TRIM51: variants seen among roughly 807,000 people sequenced by gnomAD.
The protein encoded by TRIM51 is tripartite motif-containing protein 51.
TRIM51 carries 23 observed loss-of-function variants against 32.7 expected under a neutral mutation model. The observed-to-expected ratio is 0.70, with a 90% confidence interval of 0.51 to 1.00. The LOEUF (loss-of-function observed/expected upper bound fraction) is 1.00, where lower values mean the gene tolerates loss of function less well. TRIM51 is among the 50% of genes least tolerant of loss of function. The probability of loss-of-function intolerance (pLI) is 0.00; values close to 1 mark genes in which losing one functional copy is unlikely to be tolerated. For missense variants in TRIM51, 592 were observed against 539.2 expected, an observed-to-expected ratio of 1.10 and a Z score of -0.97; for synonymous variants, 177 against 181.9, an observed-to-expected ratio of 0.97 and a Z score of 0.22.
intron 3 of TRIM51, among the ~76,000 whole-genome samples, chr11:55,887,301 G>GTA (rs35687091): frequency 0.11 from 15,917 of 141,544 alleles, 850 homozygotes; most frequent in African/African-American, 0.14. Context: ...CTGGATGTTG[G>GTA]TATATATATA....
At position 55,885,565 on chromosome 11, in the gene TRIM51, C is replaced by G; in HGVS notation, c.137C>G (p.Thr46Arg). 6.2e-7 allele frequency: 1 copy of G among 1,611,962 alleles called. No individual in the cohort carries two copies. ...RPCLYLNWQD[T>R]AVLAQCSECK... ...TGTTTGTACCTCAACTGGCAAGACA[C>G]GGCAGTTCTTGCTCAGTGCTCTGAA... Residue 46 changes from threonine to arginine, a missense_variant, in exon 2 of 7, where the codon ACG (threonine) becomes AGG (arginine). Transcript: ENST00000449290.
In TRIM51 at chr11:55,889,310, A is replaced by G. The variant is rs530771960; in HGVS notation, c.761+309A>G. On this transcript the variant is annotated intron_variant, in intron 5 of 6. Coordinates refer to ENST00000449290, the MANE Select transcript of TRIM51 (RefSeq NM_032681.4). Reference sequence around the variant, plus strand: ...CCTAATTTCCTTTTTATTGCTCAAAACATTCATATTTGAAAGAGAAAATAT... The same window carrying G: ...CCTAATTTCCTTTTTATTGCTCAAAGCATTCATATTTGAAAGAGAAAATAT... 1.2e-4 allele frequency among the ~76,000 whole-genome samples: 18 copies of G among 152,308 alleles called. No individual in the cohort carries two copies. In the East Asian group the frequency reaches 3.5e-3, roughly 29 times the overall value.
At chr11:55,886,981 G>A (rs1412475366) in intron 3 of TRIM51, among the ~76,000 whole-genome samples, 2 of 151,994 alleles carry the variant, frequency 1.3e-5, no homozygotes, top group African/African-American at 2.4e-5. Flanking sequence ...GAAAATTAAG[G>A]TGTAAAGAAG....
Position 55,891,523 on chromosome 11 carries a change from G to C in TRIM51, c.1250G>C (p.Gly417Ala). 2 of 1,613,608 alleles carry C rather than the reference G, an allele frequency of 1.2e-6. No homozygotes were observed. The highest frequency in any genetic ancestry group is 1.7e-6 in the Non-Finnish European group (2 of 1,179,730). The change falls in exon 7 of 7, where the codon GGT (glycine) becomes GCT (alanine). Residue 417 changes from glycine (G) to alanine (A), a missense_variant. Gly to Ala is a moderately conservative substitution (Grantham distance 60, BLOSUM62 0). Transcript: ENST00000449290. ...GTAGGATTATTCCTGGATTGTGAAG[G>C]TAGAACCGTGAGCTTTGTTGATGTT... Reference protein sequence around the residue: ...STVGLFLDCEGRTVSFVDVDQ... With the variant: ...STVGLFLDCEARTVSFVDVDQ...
At chr11:55,889,211 AAAAT>A (rs1267793621) in intron 5 of TRIM51, among the ~76,000 whole-genome samples, 3 of 152,040 alleles carry the variant, frequency 2.0e-5, no homozygotes, top group Admixed American at 1.3e-4. Flanking sequence ...CAAAAGCAAA[AAAAT>A]AAATAAATAA....
At chr11:55,887,847 C>T (rs1184943523) in intron 3 of TRIM51, among the ~76,000 whole-genome samples, 185 bp from the exon 4 acceptor site, 4 of 151,530 alleles carry the variant, frequency 2.6e-5, no homozygotes, top group African/African-American at 9.7e-5. Flanking sequence ...GTAAATGTAA[C>T]TGGGCAGAAA....
At chr11:55,890,190 T>C (rs1460600195) in intron 6 of TRIM51, 151 bp downstream of exon 6, 1 of 597,278 alleles carries the variant, frequency 1.7e-6, no homozygotes, top group African/African-American at 1.9e-5. Flanking sequence ...TGTGTTTCTA[T>C]TTATAGTCCA....
At position 55,886,167 on chromosome 11, in the gene TRIM51, T is replaced by G; in HGVS notation, c.456T>G (p.Cys152Trp). The change falls in exon 3 of 7, where the codon TGT becomes TGG. Residue 152 changes from cysteine to tryptophan, a missense_variant. Cys to Trp is a radical substitution (Grantham distance 215). Transcript: ENST00000449290. ...KKMQSLWEKA[C>W]ENLRNLNMET... ...TGCAGTCTTTATGGGAAAAAGCTTG[T>G]GAAAATCTCAGAAATCTGAACATGG... 3 of 1,613,530 alleles carry G rather than the reference T, an allele frequency of 1.9e-6. No homozygotes were observed.
intron 3 of TRIM51, among the ~76,000 whole-genome samples, chr11:55,887,370 A>C (rs1854590397): frequency 1.3e-5 from 2 of 151,670 alleles, no homozygotes; most frequent in African/African-American, 2.4e-5. Context: ...ACACATATAT[A>C]TTCCTCATAT....
At position 55,891,204 on chromosome 11, in the gene TRIM51, G is replaced by T; in HGVS notation, c.931G>T (p.Val311Phe). Residue 311 changes from valine to phenylalanine, a missense_variant, in exon 7 of 7, where the codon GTT (valine) becomes TTT (phenylalanine). By Grantham distance (50) the Val-to-Phe change is conservative. Transcript: ENST00000449290. ...GTGTGGAGATTTGAGAAGCATGAATGTTGGATGTGACCCTCAAGATGATCC... is the reference window on the plus strand; with the variant it reads ...GTGTGGAGATTTGAGAAGCATGAATTTTGGATGTGACCCTCAAGATGATCC... ...FLCGDLRSMN[V>F]GCDPQDDPDI... 2 of 1,603,848 alleles carry T rather than the reference G, an allele frequency of 1.2e-6. No individual in the cohort carries two copies. The highest frequency in any genetic ancestry group is 2.7e-5 in the African/African-American group (2 of 75,018).
At position 55,891,116 on chromosome 11, in the gene TRIM51, A is replaced by T. The variant is rs1854642199; in HGVS notation, c.860-17A>T. 2.5e-6 allele frequency: 4 copies of T among 1,577,658 alleles called. No homozygotes were observed. The highest frequency in any genetic ancestry group is 3.6e-4 in the Middle Eastern group (2 of 5,596). On this transcript the variant is annotated splice_polypyrimidine_tract_variant and intron_variant, in intron 6 of 6. Transcript: ENST00000449290. ...TTAATTACATGTATCTATATTTTTT[A>T]AAAATTATTTTTGCAGTTGATTTTA...
At position 55,885,695 on chromosome 11, in the gene TRIM51, G is replaced by A. The variant is rs564289549; in HGVS notation, c.267G>A (p.Glu89=). The change falls in exon 2 of 7, where the codon GAG becomes GAA. Residue 89 remains glutamate (E), a synonymous_variant. Coordinates refer to ENST00000449290, the MANE Select transcript of TRIM51 (RefSeq NM_032681.4). ...GCCTCCGGCAATTCCTTAGCTCTGAGGAGCAAATATGTGGGATGCACAGAG... is the reference window on the plus strand; with the variant it reads ...GCCTCCGGCAATTCCTTAGCTCTGAAGAGCAAATATGTGGGATGCACAGAG... ...KASLRQFLSS[E]EQICGMHRET... is the part of the protein sequence containing the mutation. The A allele has an allele frequency of 1.1e-5, 18 of 1,611,474 alleles. No homozygotes were observed. Among genetic ancestry groups the A allele is most frequent in the Middle Eastern group, 2.3e-4 (1 of 4,428 alleles).
rs201707277 is a variant in TRIM51, at chr11:55,885,534, C to A, written c.106C>A (p.Arg36=). ...VTIDCGHSFC[R]PCLYLNWQDT... ...CATAGACTGTGGGCACAGCTTTTGC[C>A]GGCCCTGTTTGTACCTCAACTGGCA... Residue 36 remains arginine, a synonymous_variant, in exon 2 of 7, where the codon CGG becomes AGG. Coordinates refer to ENST00000449290, the MANE Select transcript of TRIM51 (RefSeq NM_032681.4). 1 of 1,611,994 alleles carries A rather than the reference C, an allele frequency of 6.2e-7. No individual in the cohort carries two copies. The highest frequency in any genetic ancestry group is 1.3e-5 in the African/African-American group (1 of 74,966).
chr11:55,888,702 G>T (rs1009896337), intron 4 of TRIM51, among the ~76,000 whole-genome samples: 2 of 152,132 alleles, frequency 1.3e-5, no homozygotes, highest in Non-Finnish European at 2.9e-5. Flanking sequence ...AGACTGAGTA[G>T]CTTCTTTATG....
chr11:55,890,860 C>T (rs573200428), intron 6 of TRIM51, among the ~76,000 whole-genome samples: 4 of 152,232 alleles, frequency 2.6e-5, no homozygotes, highest in African/African-American at 9.6e-5. Context: ...TTCATTTTTA[C>T]ATTGGAGATT....
Position 55,889,013 on chromosome 11 carries a change from C to T in TRIM51, c.761+12C>T, listed in dbSNP as rs1295094409. The T allele has an allele frequency of 6.2e-7, 1 of 1,609,708 alleles. No homozygotes were observed. Among genetic ancestry groups the T allele is most frequent in the South Asian group, 1.1e-5 (1 of 90,856 alleles). On this transcript the variant is annotated intron_variant, in intron 5 of 6. Coordinates refer to ENST00000449290, the MANE Select transcript of TRIM51 (RefSeq NM_032681.4). ...GACATATTACACAGGTGAGTGCACA[C>T]CAAGATTTTAGCAGATGCTTTCAGT...
intron 2 of TRIM51, 40 bp downstream of exon 2, chr11:55,885,879 C>T: frequency 6.2e-7 from 1 of 1,610,996 alleles, no homozygotes. Context: ...ATACAGGACA[C>T]ATGAAATTCT....
rs1415046288 is a variant in TRIM51 at position 55,891,490 on chromosome 11, C to T, written c.1217C>T (p.Thr406Ile). Residue 406 changes from threonine (T) to isoleucine (I), a missense_variant, in exon 7 of 7, where the codon ACC (threonine) becomes ATC (isoleucine). By Grantham distance (89) the Thr-to-Ile change is moderately conservative. Transcript: ENST00000449290. ...GTGGTGCAATATGTTCCAAGACCTA[C>T]CAGCACAGTAGGATTATTCCTGGAT... ...PLVVQYVPRP[T>I]STVGLFLDCE... is the part of the protein sequence containing the mutation. The T allele has an allele frequency of 2.1e-5, 34 of 1,613,386 alleles. No homozygotes were observed. The highest frequency in any genetic ancestry group is 2.9e-5 in the Non-Finnish European group (34 of 1,179,758).
intron 6 of TRIM51, 62 bp downstream of exon 6, chr11:55,890,101 G>A: frequency 2.5e-6 from 3 of 1,192,894 alleles, no homozygotes; most frequent in South Asian, 1.3e-5. Context: ...AATCATGGGG[G>A]TAGTATTTTA....
Sources: allele counts gnomAD v4.1 joint callset (sites outside exome capture counted in the v4.1 genomes callset), GRCh38; gene constraint gnomAD v4.1.1; transcripts MANE v1.5; gene names NCBI Gene and HGNC (gene_info 2026-07-23, HGNC 2026-07-21).